The following GRM7 variants were observed in gnomAD, a reference collection of about 807,000 sequenced individuals.
The protein encoded by GRM7 is metabotropic glutamate receptor 7.
In GRM7, 35 loss-of-function variants were observed where a neutral mutation model predicts 84.5. That is an observed-to-expected ratio of 0.41 (90% CI 0.32 to 0.55). The LOEUF is 0.55. Ranked by LOEUF, GRM7 falls within the 20% of genes least tolerant of loss-of-function variation. The pLI, the probability that GRM7 is intolerant of heterozygous loss-of-function variation, is 0.19. For synonymous variants in GRM7, 487 were observed against 455.1 expected (o/e 1.07, Z -0.89); for missense variants, 1,003 against 1,194.6 (o/e 0.84, Z 2.36).
chr3:6,995,541 A>T (rs563966968), intron 1 of GRM7, among the ~76,000 whole-genome samples: 2 of 152,188 alleles, frequency 1.3e-5, no homozygotes, highest in South Asian at 2.1e-4. Context: ...TACTGAATGG[A>T]TGCAATGGCA....
At chr3:6,946,030 A>T (rs544905398) in intron 1 of GRM7, among the ~76,000 whole-genome samples, 61 of 152,150 alleles carry the variant, frequency 4.0e-4, no homozygotes, top group South Asian at 1.5e-3. Flanking sequence ...TATGACAGTG[A>T]TTTCTTTTGC....
intron 2 of GRM7, among the ~76,000 whole-genome samples, chr3:7,296,089 T>C (rs1267197122): frequency 6.6e-6 from 1 of 151,616 alleles, no homozygotes; most frequent in African/African-American, 2.4e-5. Context: ...TTATCATAAA[T>C]ATATATATAT....
chr3:6,901,512 C>T (rs1306665421), intron 1 of GRM7, among the ~76,000 whole-genome samples: 3 of 144,796 alleles, frequency 2.1e-5, no homozygotes, highest in African/African-American at 7.6e-5. Context: ...GCAGGAGAAT[C>T]GCTGGAACCC....
At chr3:6,871,433 G>GA (rs200721528) in intron 1 of GRM7, among the ~76,000 whole-genome samples, 4,066 of 151,830 alleles carry the variant, frequency 0.027, 73 homozygotes, top group Non-Finnish European at 0.043. Flanking sequence ...AGGTGTTTAA[G>GA]AAAAAAATAA....
intron 2 of GRM7, among the ~76,000 whole-genome samples, chr3:7,268,906 C>G (rs571021540): frequency 6.6e-6 from 1 of 152,168 alleles, no homozygotes; most frequent in African/African-American, 2.4e-5. Context: ...TCAGTCCAAA[C>G]CAATGGCCTC....
chr3:7,461,453 G>A (rs1698241939), intron 6 of GRM7, 130 bp from the exon 7 acceptor site: 2 of 647,176 alleles, frequency 3.1e-6, no homozygotes, highest in Admixed American at 2.8e-5. Context: ...CGTTTTGGGG[G>A]GACCTATTAA....
At chr3:7,476,274 G>T (rs528128914) in intron 7 of GRM7, among the ~76,000 whole-genome samples, 1 of 152,276 alleles carries the variant, frequency 6.6e-6, no homozygotes, top group Non-Finnish European at 1.5e-5. Context: ...GGGGCTGGGC[G>T]CCGTGGCTCA....
At chr3:7,701,291 T>C (rs1055858561) in intron 9 of GRM7, among the ~76,000 whole-genome samples, 1 of 136,918 alleles carries the variant, frequency 7.3e-6, no homozygotes, top group African/African-American at 2.7e-5. Flanking sequence ...AAGATACCTG[T>C]GGTTGCATTT....
chr3:7,606,042 G>T (rs1347660243), intron 8 of GRM7, among the ~76,000 whole-genome samples: 1 of 152,192 alleles, frequency 6.6e-6, no homozygotes, highest in Non-Finnish European at 1.5e-5. Flanking sequence ...GCATAACCAA[G>T]ACTCTGACAA....
intron 1 of GRM7, among the ~76,000 whole-genome samples, chr3:6,909,401 G>A (rs1696690315): frequency 6.6e-6 from 1 of 152,028 alleles, no homozygotes; most frequent in Admixed American, 6.6e-5. Context: ...CTAATTATCT[G>A]GTGTCAATTA....
chr3:7,651,361 G>T (rs1216384274), intron 8 of GRM7, among the ~76,000 whole-genome samples: 1 of 152,200 alleles, frequency 6.6e-6, no homozygotes, highest in African/African-American at 2.4e-5. Context: ...TCTATGAACT[G>T]CCAGTTCATT....
intron 1 of GRM7, among the ~76,000 whole-genome samples, chr3:6,885,291 T>A (rs1299732423): frequency 6.6e-6 from 1 of 152,192 alleles, no homozygotes; most frequent in Admixed American, 6.5e-5. Flanking sequence ...CGTGCCCAGC[T>A]TAGGTAGCTT....
At chr3:7,111,086 G>A (rs573847807) in intron 1 of GRM7, among the ~76,000 whole-genome samples, 1 of 152,200 alleles carries the variant, frequency 6.6e-6, no homozygotes, top group Non-Finnish European at 1.5e-5. Context: ...CTGATGTGGG[G>A]TCAATAACAG....
At chr3:7,476,281 C>T (rs1445428591) in intron 7 of GRM7, among the ~76,000 whole-genome samples, 5 of 152,196 alleles carry the variant, frequency 3.3e-5, no homozygotes, top group African/African-American at 1.2e-4. Flanking sequence ...GGCGCCGTGG[C>T]TCACGCCTGT....
At chr3:7,168,165 T>C (rs1393733091) in intron 2 of GRM7, among the ~76,000 whole-genome samples, 1 of 152,082 alleles carries the variant, frequency 6.6e-6, no homozygotes, top group East Asian at 1.9e-4. Context: ...TTCTCAGCAT[T>C]TATAAGCATT....
intron 1 of GRM7, among the ~76,000 whole-genome samples, chr3:7,020,238 C>T (rs1247714820): frequency 6.6e-6 from 1 of 152,096 alleles, no homozygotes; most frequent in Non-Finnish European, 1.5e-5. Context: ...TATGACTAAG[C>T]GAAAGAAGCC....
chr3:6,938,434 T>A (rs1697768199), intron 1 of GRM7, among the ~76,000 whole-genome samples: 1 of 152,066 alleles, frequency 6.6e-6, no homozygotes, highest in Non-Finnish European at 1.5e-5. Context: ...GATCCTAGAG[T>A]CTTCAGTTGA....
chr3:7,708,900 G>C (rs911305731), intron 9 of GRM7, among the ~76,000 whole-genome samples: 6 of 151,434 alleles, frequency 4.0e-5, no homozygotes, highest in Non-Finnish European at 8.8e-5. Context: ...TAGAATATAT[G>C]TATTATATAT....
chr3:7,465,223 A>G (rs932217964), intron 7 of GRM7, among the ~76,000 whole-genome samples: 2 of 152,146 alleles, frequency 1.3e-5, no homozygotes, highest in African/African-American at 4.8e-5. Flanking sequence ...AGGCACGCTC[A>G]GGTGGATGCA....
Sources: allele counts gnomAD v4.1 joint callset (sites outside exome capture counted in the v4.1 genomes callset), GRCh38; gene constraint gnomAD v4.1.1; transcripts MANE v1.5; gene names NCBI Gene and HGNC (gene_info 2026-07-23, HGNC 2026-07-21).